The following SVIL variants were observed in gnomAD, a reference collection of about 807,000 sequenced individuals.
SVIL encodes the protein supervillin.
Under a neutral mutation model 240.4 loss-of-function variants are expected in SVIL, and 101 were observed. The ratio of observed to expected loss-of-function variants is 0.42; its 90% CI spans 0.36 to 0.50. The LOEUF (loss-of-function observed/expected upper bound fraction) is 0.50, where lower values mean the gene tolerates loss of function less well. Among genes scored for constraint, SVIL ranks in the 20% least tolerant of loss-of-function variants. SVIL has a pLI of 0.01. For missense variants in SVIL, 2,512 were observed against 2,818.7 expected, an observed-to-expected ratio of 0.89 and a Z score of 2.46; for synonymous variants, 999 against 1,100.0, an observed-to-expected ratio of 0.91 and a Z score of 1.82.
At chr10:29,681,194 G>A (rs1960615113) in intron 2 of SVIL, among the ~76,000 whole-genome samples, 1 of 152,152 alleles carries the variant, frequency 6.6e-6, no homozygotes, top group African/African-American at 2.4e-5. Flanking sequence ...TGGGAGAAGG[G>A]AATTGTGTGG....
At chr10:29,518,594 G>A (rs1174436144) in intron 16 of SVIL, among the ~76,000 whole-genome samples, 2 of 152,112 alleles carry the variant, frequency 1.3e-5, no homozygotes, top group Admixed American at 1.3e-4. Flanking sequence ...AGTGGCTCAC[G>A]CCTGTAATCC....
At chr10:29,691,760 G>C (rs529675384) in intron 1 of SVIL, among the ~76,000 whole-genome samples, 1 of 151,964 alleles carries the variant, frequency 6.6e-6, no homozygotes, top group Non-Finnish European at 1.5e-5. Flanking sequence ...CATCTACCCC[G>C]GCCAACAGAT....
chr10:29,631,215 A>G (rs946143032), intron 1 of SVIL, among the ~76,000 whole-genome samples: 15 of 152,238 alleles, frequency 9.9e-5, no homozygotes, highest in Non-Finnish European at 1.0e-4. Context: ...GCAGTGAGGA[A>G]CGATGAGGGT....
chr10:29,720,004 T>C (rs1315594175), intron 1 of SVIL, among the ~76,000 whole-genome samples: 1 of 152,162 alleles, frequency 6.6e-6, no homozygotes, highest in Non-Finnish European at 1.5e-5. Context: ...AACTAACGTA[T>C]ATCAAAGCAC....
chr10:29,563,523 C>T (rs1411832571), intron 2 of SVIL, among the ~76,000 whole-genome samples: 2 of 151,998 alleles, frequency 1.3e-5, no homozygotes, highest in Non-Finnish European at 2.9e-5. Context: ...TGGCGGGTGG[C>T]GTGGTGTGAT....
At chr10:29,530,717 G>A (rs1274816097) in intron 10 of SVIL, 49 bp from the exon 11 acceptor site, 3 of 1,609,396 alleles carry the variant, frequency 1.9e-6, no homozygotes, top group African/African-American at 1.3e-5. Flanking sequence ...AGAAGGTTAA[G>A]TTCGGTCTCC....
chr10:29,480,947 C>T (rs1342264090), intron 28 of SVIL, 134 bp from the exon 29 acceptor site: 1 of 1,117,340 alleles, frequency 8.9e-7, no homozygotes, highest in Non-Finnish European at 1.3e-6. Flanking sequence ...GGATGTTTAA[C>T]TGCAGTCAGG....
At chr10:29,619,780 CGATT>C (rs1957560645) in intron 1 of SVIL, among the ~76,000 whole-genome samples, 1 of 152,156 alleles carries the variant, frequency 6.6e-6, no homozygotes, top group Non-Finnish European at 1.5e-5. Context: ...AAATCAAACT[CGATT>C]GTCATGTACT....
intron 3 of SVIL, among the ~76,000 whole-genome samples, chr10:29,557,270 T>C (rs1312208078): frequency 7.0e-6 from 1 of 142,426 alleles, no homozygotes; most frequent in African/African-American, 2.7e-5. Flanking sequence ...TAGCTTTTGG[T>C]TGTCTTTTGT....
chr10:29,700,557 G>A (rs1486204971), intron 1 of SVIL, among the ~76,000 whole-genome samples: 3 of 139,142 alleles, frequency 2.2e-5, no homozygotes, highest in South Asian at 2.3e-4. Flanking sequence ...TGCAAGCTCC[G>A]CCTCCCGGGT....
chr10:29,484,693 G>T lies in SVIL; in HGVS notation c.4918C>A (p.Pro1640Thr). The T allele has an allele frequency of 6.2e-7, 1 of 1,613,916 alleles. No individual in the cohort carries two copies. Among genetic ancestry groups the T allele is most frequent in the Middle Eastern group, 1.7e-4 (1 of 6,060 alleles). ...TFDYENCDIN[P>T]LDPGECNPLI... ...GGATTGCATTCTCCAGGATCCAGGG[G>T]ATTGATGTCACAGTTCTCATAGTCA... Residue 1640 changes from proline to threonine, a missense_variant, in exon 27 of 38, where the codon CCC (proline) becomes ACC (threonine). This residue lies in a region of SVIL where 797 missense variants were observed against 925.3 expected (regional missense o/e 0.86). Transcript: ENST00000355867. The surrounding 1 kb of genome is among the most constrained non-coding windows in gnomAD (Gnocchi z 4.7).
intron 17 of SVIL, among the ~76,000 whole-genome samples, chr10:29,507,011 T>A (rs1246040614): frequency 6.6e-6 from 1 of 152,150 alleles, no homozygotes; most frequent in East Asian, 1.9e-4. Context: ...TTTTTCATGT[T>A]ATTCACCCAC....
chr10:29,640,336 C>T (rs964967941), intron 3 of SVIL, among the ~76,000 whole-genome samples: 2 of 152,280 alleles, frequency 1.3e-5, no homozygotes, highest in East Asian at 3.9e-4. Context: ...TCCAACACTC[C>T]TTTCCTCAGC....
At chr10:29,502,684 TGTGG>T (rs931090068) in intron 17 of SVIL, among the ~76,000 whole-genome samples, 29 of 152,008 alleles carry the variant, frequency 1.9e-4, no homozygotes, top group Non-Finnish European at 2.8e-4. Flanking sequence ...TGTGTGTGTG[TGTGG>T]GTGGGTGGGT....
chr10:29,628,941 C>G (rs1173686068), intron 1 of SVIL, among the ~76,000 whole-genome samples: 1 of 152,058 alleles, frequency 6.6e-6, no homozygotes, highest in Non-Finnish European at 1.5e-5. Flanking sequence ...GCCCCATCAC[C>G]CTCACTAGAC....
intron 3 of SVIL, among the ~76,000 whole-genome samples, chr10:29,649,452 A>G (rs1958770871): frequency 6.6e-6 from 1 of 152,218 alleles, no homozygotes; most frequent in African/African-American, 2.4e-5. Flanking sequence ...CACACACATA[A>G]GAAAATTGCT....
chr10:29,678,746 G>A (rs1167515957), intron 2 of SVIL, among the ~76,000 whole-genome samples: 1 of 152,210 alleles, frequency 6.6e-6, no homozygotes, highest in East Asian at 1.9e-4. Flanking sequence ...GAGCAGAGTA[G>A]AAGCTGGAAG....
At chr10:29,584,992 C>T (rs761720175) in intron 1 of SVIL, among the ~76,000 whole-genome samples, 8 of 152,078 alleles carry the variant, frequency 5.3e-5, no homozygotes, top group African/African-American at 9.7e-5. Context: ...GCCTCGACTT[C>T]GGGTTTGAGC....
At chr10:29,732,069 C>G (rs1037149898) in intron 1 of SVIL, among the ~76,000 whole-genome samples, 2 of 152,214 alleles carry the variant, frequency 1.3e-5, no homozygotes, top group Admixed American at 1.3e-4. Context: ...GAGTGAAATG[C>G]ACAAAAGCAG....
Sources: allele counts gnomAD v4.1 joint callset (sites outside exome capture counted in the v4.1 genomes callset), GRCh38; gene constraint gnomAD v4.1.1; regional missense constraint gnomAD v4.1.1; non-coding constraint Gnocchi (gnomAD v3.1); transcripts MANE v1.5; gene names NCBI Gene and HGNC (gene_info 2026-07-23, HGNC 2026-07-21).